XKR4: variants seen among roughly 807,000 people sequenced by gnomAD.
The protein encoded by XKR4 is XK-related protein 4.
Under a neutral mutation model 53.9 loss-of-function variants are expected in XKR4, and 12 were observed. The observed-to-expected ratio is 0.22, with a 90% CI of 0.14 to 0.36. The LOEUF (loss-of-function observed/expected upper bound fraction) is 0.36, where lower values mean the gene tolerates loss of function less well. Ranked by LOEUF, XKR4 falls within the 10% of genes least tolerant of loss-of-function variation. The probability of loss-of-function intolerance (pLI) is 1.00; values close to 1 mark genes in which losing one functional copy is unlikely to be tolerated. For synonymous variants in XKR4, 354 were observed against 362.4 expected, an observed-to-expected ratio of 0.98 and a Z score of 0.26; for missense variants, 799 against 859.5, an observed-to-expected ratio of 0.93 and a Z score of 0.88.
intron 1 of XKR4, among the ~76,000 whole-genome samples, chr8:55,269,823 C>G (rs1472356407): frequency 2.0e-5 from 3 of 152,050 alleles, no homozygotes; most frequent in Admixed American, 2.0e-4. Context: ...TATCTTTTTT[C>G]ATGTTAATAA....
chr8:55,327,697 CTTAATG>C (rs1191078832), intron 1 of XKR4, among the ~76,000 whole-genome samples: 1 of 152,132 alleles, frequency 6.6e-6, no homozygotes, highest in East Asian at 1.9e-4. Context: ...CAGTGATTGT[CTTAATG>C]TTAATTAACA....
At chr8:55,341,809 C>T (rs1803552063) in intron 1 of XKR4, among the ~76,000 whole-genome samples, 1 of 152,000 alleles carries the variant, frequency 6.6e-6, no homozygotes, top group African/African-American at 2.4e-5. Flanking sequence ...TCCTTGGCCC[C>T]TGGGGCCGCC....
chr8:55,352,711 T>G (rs776726551), intron 1 of XKR4, among the ~76,000 whole-genome samples: 12 of 152,206 alleles, frequency 7.9e-5, no homozygotes, highest in Non-Finnish European at 1.8e-4. Context: ...GTACTGTGAT[T>G]TTCCCCCTTT....
In XKR4 at chr8:55,148,747, A is replaced by G. The variant is rs944405455; in HGVS notation, c.806+45453A>G. On this transcript the variant is annotated intron_variant, in intron 1 of 2. Coordinates refer to ENST00000327381, the MANE Select transcript of XKR4 (RefSeq NM_052898.2). ...CCTTAAACAATTAACAGCCAACTCT[A>G]AACCCATGAAGTGGTCAATTAGCTC... is the stretch of plus-strand genomic sequence containing the variant. Among the ~76,000 whole-genome samples the G allele has an allele frequency of 1.4e-4, 22 of 152,298 alleles. 1 individual carries two copies. Among genetic ancestry groups the G allele is most frequent in the Admixed American group, 8.5e-4 (13 of 15,294 alleles).
At chr8:55,394,630 A>G (rs919881999) in intron 2 of XKR4, among the ~76,000 whole-genome samples, 1 of 152,204 alleles carries the variant, frequency 6.6e-6, no homozygotes, top group Non-Finnish European at 1.5e-5. Flanking sequence ...TGGCTTTCAC[A>G]GCATGCTCAT....
At chr8:55,263,807 C>A (rs1401222921) in intron 1 of XKR4, among the ~76,000 whole-genome samples, 1 of 152,166 alleles carries the variant, frequency 6.6e-6, no homozygotes, top group Non-Finnish European at 1.5e-5. Context: ...TAAAACACAG[C>A]ACTTGGCTGA....
intron 1 of XKR4, among the ~76,000 whole-genome samples, chr8:55,244,015 A>C (rs1818248368): frequency 6.6e-6 from 1 of 152,208 alleles, no homozygotes; most frequent in Non-Finnish European, 1.5e-5. Context: ...AAAAAACCAA[A>C]TATCCAATAT....
At chr8:55,501,999 T>A (rs1806445838) in intron 2 of XKR4, among the ~76,000 whole-genome samples, 1 of 152,156 alleles carries the variant, frequency 6.6e-6, no homozygotes, top group African/African-American at 2.4e-5. Context: ...TTACTTACAA[T>A]GTACAATACA....
intron 1 of XKR4, among the ~76,000 whole-genome samples, chr8:55,263,424 C>G (rs1297819056): frequency 6.6e-6 from 1 of 152,182 alleles, no homozygotes; most frequent in Admixed American, 6.5e-5. Flanking sequence ...TCTTCTCATT[C>G]TCTTCCCTGC....
chr8:55,452,638 GC>G lies in XKR4; in HGVS notation c.1007-70639del, dbSNP rs1244660836. 2.8e-6 allele frequency: 4 copies of G among 1,411,828 alleles called. No homozygotes were observed. In the East Asian group the frequency reaches 6.8e-5, roughly 24 times the overall value. 87.5% of individuals were successfully genotyped at this position (1,411,828 alleles called of 1,614,324 possible). Reference sequence around the variant, plus strand: ...ACGATGTCTGGCACCATGACATGCAGCCCCTTGAGGTGGTCACTGGTGACCC... The same window carrying G: ...ACGATGTCTGGCACCATGACATGCAGCCCTTGAGGTGGTCACTGGTGACCC... On this transcript the variant is annotated intron_variant, in intron 2 of 2. Coordinates refer to ENST00000327381, the MANE Select transcript of XKR4 (RefSeq NM_052898.2).
intron 1 of XKR4, among the ~76,000 whole-genome samples, chr8:55,274,146 A>G (rs929011408): frequency 1.3e-5 from 2 of 152,216 alleles, no homozygotes; most frequent in African/African-American, 4.8e-5. Context: ...TAATCCAGAA[A>G]TGTGAAAAAC....
At chr8:55,237,362 G>T (rs972562246) in intron 1 of XKR4, among the ~76,000 whole-genome samples, 1 of 152,136 alleles carries the variant, frequency 6.6e-6, no homozygotes. Context: ...CATATAATTT[G>T]TACATTGTAT....
intron 1 of XKR4, among the ~76,000 whole-genome samples, chr8:55,232,679 A>G (rs1563489048): frequency 1.3e-5 from 2 of 152,226 alleles, no homozygotes; most frequent in Admixed American, 6.5e-5. Context: ...CTCATGAGCT[A>G]AATAAAAAAT....
At chr8:55,305,292 G>T (rs977971477) in intron 1 of XKR4, among the ~76,000 whole-genome samples, 1 of 152,190 alleles carries the variant, frequency 6.6e-6, no homozygotes, top group Non-Finnish European at 1.5e-5. Flanking sequence ...TACAGAAAGT[G>T]CTGATGGCGT....
At chr8:55,147,448 AC>A (rs1468085387) in intron 1 of XKR4, among the ~76,000 whole-genome samples, 8 of 152,136 alleles carry the variant, frequency 5.3e-5, no homozygotes, top group Non-Finnish European at 8.8e-5. Flanking sequence ...AGAGCTAATA[AC>A]CTCTTTCAGT....
chr8:55,379,970 T>C (rs1804207364), intron 2 of XKR4, among the ~76,000 whole-genome samples: 1 of 152,216 alleles, frequency 6.6e-6, no homozygotes. Context: ...TATAGCTTAT[T>C]ATGACATCAT....
intron 1 of XKR4, among the ~76,000 whole-genome samples, chr8:55,258,329 T>A (rs10096617): frequency 0.75 from 113,953 of 152,128 alleles, 46,093 homozygotes; most frequent in Non-Finnish European, 0.91. Context: ...TGATTAGGCC[T>A]GCACATGGAT....
chr8:55,410,064 T>C (rs1006942005), intron 2 of XKR4, among the ~76,000 whole-genome samples: 6 of 151,974 alleles, frequency 3.9e-5, no homozygotes, highest in Admixed American at 6.5e-5. Context: ...CCATGGCTAG[T>C]TGATTCCTCT....
chr8:55,341,144 G>A (rs115794238), intron 1 of XKR4, among the ~76,000 whole-genome samples: 242 of 152,230 alleles, frequency 1.6e-3, no homozygotes, highest in African/African-American at 5.6e-3. Context: ...TTATTTAAAG[G>A]TGGTCCCAGG....
Sources: gnomAD v4.1 joint callset for allele counts (sites outside exome capture counted in the v4.1 genomes callset) on GRCh38, gnomAD v4.1.1 for gene constraint, MANE v1.5 for transcripts, NCBI Gene and HGNC (gene_info 2026-07-23, HGNC 2026-07-21) for gene names.